Variants in CENPF observed in about 807,000 individuals in gnomAD.
CENPF encodes AH antigen.
A neutral mutation model predicts 307.3 loss-of-function variants in CENPF; 214 were observed. The ratio of observed to expected loss-of-function variants is 0.70; its 90% CI spans 0.62 to 0.78. The LOEUF (loss-of-function observed/expected upper bound fraction) is 0.78. CENPF is among the 30% of genes least tolerant of loss of function. The probability of loss-of-function intolerance (pLI) is 0.00; values close to 1 mark genes in which losing one functional copy is unlikely to be tolerated. For synonymous variants in CENPF, 1,259 were observed against 1,270.6 expected (o/e 0.99, Z 0.19); for missense variants, 3,401 against 3,483.9 (o/e 0.98, Z 0.60).
intron 1 of CENPF, among the ~76,000 whole-genome samples, chr1:214,607,272 C>T (rs937265188): frequency 1.3e-5 from 2 of 152,232 alleles, no homozygotes; most frequent in South Asian, 2.1e-4. Context: ...ATGCTCTGGC[C>T]TCCCCCTCAC....
intron 15 of CENPF, 125 bp downstream of exon 15, chr1:214,652,011 G>A (rs1175663459): frequency 1.5e-6 from 1 of 677,772 alleles, no homozygotes; most frequent in Non-Finnish European, 2.2e-6. Flanking sequence ...TCTTTTAAAA[G>A]GTCTCACATT....
At position 214,640,401 on chromosome 1, in the gene CENPF, G is replaced by A; in HGVS notation, c.2063G>A (p.Ser688Asn). 6.2e-7 allele frequency: 1 copy of A among 1,614,046 alleles called. No individual in the cohort carries two copies. The highest frequency in any genetic ancestry group is 8.5e-7 in the Non-Finnish European group (1 of 1,180,002). The change falls in exon 12 of 20, where the codon AGT (serine) becomes AAT (asparagine). Residue 688 changes from serine (S) to asparagine (N), a missense_variant. Ser to Asn is a conservative substitution (Grantham distance 46). Coordinates refer to ENST00000366955, the MANE Select transcript of CENPF (RefSeq NM_016343.4). ...AGAAACCTTCACAACGTGTTAGACA[G>A]TAAGTCAGTGGAGGTAGAGACCCAG... ...EIRNLHNVLD[S>N]KSVEVETQKL...
chr1:214,613,591 T>C (rs1657255931), intron 1 of CENPF, 123 bp from the exon 2 acceptor site: 1 of 635,744 alleles, frequency 1.6e-6, no homozygotes, highest in African/African-American at 1.9e-5. Context: ...TATTATACTT[T>C]GTTATCTTTT....
At chr1:214,660,395 A>C (rs1658759582) in intron 19 of CENPF, among the ~76,000 whole-genome samples, 1 of 152,238 alleles carries the variant, frequency 6.6e-6, no homozygotes, top group Admixed American at 6.5e-5. Context: ...TAACTTTGGC[A>C]TGCTGCCAAC....
At position 214,624,831 on chromosome 1, in the gene CENPF, A is replaced by G. The variant is rs181761651; in HGVS notation, c.1068+2550A>G. The stretch of plus-strand genomic sequence containing the variant: ...ATGATGTTGTTGAGTTTGTTAATAT[A>G]CTTGCTGATTTTCTGTTTAGTTGTT... On this transcript the variant is annotated intron_variant, in intron 7 of 19. Transcript: ENST00000366955. Among the ~76,000 whole-genome samples, 12 of 152,170 alleles carry G rather than the reference A, an allele frequency of 7.9e-5. No homozygotes were observed. In the East Asian group the frequency reaches 2.3e-3, roughly 29 times the overall value.
In CENPF at chr1:214,646,153, G is replaced by T; in HGVS notation, c.6583G>T (p.Ala2195Ser). 1 of 1,613,532 alleles carries T rather than the reference G, an allele frequency of 6.2e-7. No homozygotes were observed. The highest frequency in any genetic ancestry group is 1.3e-5 in the African/African-American group (1 of 74,906). ...TCTAAAAACACAAATAGAAGAGATG[G>T]CCAGAAGCCTGAAAGTTTTTGAATT... is the stretch of plus-strand genomic sequence containing the variant. ...ETLKTQIEEM[A>S]RSLKVFELDL... The change falls in exon 13 of 20, where the codon GCC (alanine) becomes TCC (serine). Residue 2195 changes from alanine (A) to serine (S), a missense_variant. Ala to Ser is a moderately conservative substitution (Grantham distance 99). Transcript: ENST00000366955.
intron 6 of CENPF, 97 bp from the exon 7 acceptor site, chr1:214,621,982 T>C (rs1234222805): frequency 2.0e-6 from 2 of 977,974 alleles, no homozygotes; most frequent in African/African-American, 3.3e-5. Context: ...ATTTGTTTCG[T>C]CAAAGATTTC....
rs778339437 is a variant in CENPF, at chr1:214,640,552, G to A, written c.2214G>A (p.Lys738=). The A allele has an allele frequency of 2.2e-5, 36 of 1,614,000 alleles. No individual in the cohort carries two copies. The East Asian group carries it at 8.0e-4, about 36-fold the overall frequency. ...LTGQVEDLEH[K]LQLLSNEIMD... Reference sequence around the variant, plus strand: ...GGCAAGTTGAAGATCTAGAACACAAGCTTCAGTTACTGTCAAATGAAATAA... The same window carrying A: ...GGCAAGTTGAAGATCTAGAACACAAACTTCAGTTACTGTCAAATGAAATAA... The change falls in exon 12 of 20, where the codon AAG becomes AAA. Residue 738 remains lysine (K), a synonymous_variant. Transcript: ENST00000366955.
In CENPF at chr1:214,615,045, G is replaced by A. The variant is rs755771450; in HGVS notation, c.359+17G>A. 5.9e-6 allele frequency: 9 copies of A among 1,517,536 alleles called. No individual in the cohort carries two copies. The South Asian group carries it at 9.7e-5, about 16-fold the overall frequency. 94.0% of individuals were successfully genotyped at this position (1,517,536 alleles called of 1,614,324 possible). A position where few individuals can be genotyped will look rare whatever the true frequency, so the allele number is the denominator to read the frequency against. On this transcript the variant is annotated intron_variant, in intron 3 of 19. Coordinates refer to ENST00000366955, the MANE Select transcript of CENPF (RefSeq NM_016343.4). ...ACTTAAAAGGTAATATTTTGGGATG[G>A]TATTTATAGGGATGATATTTGTATG...
intron 16 of CENPF, 68 bp downstream of exon 16, chr1:214,653,057 T>G: frequency 7.3e-7 from 1 of 1,376,866 alleles, no homozygotes; most frequent in Non-Finnish European, 1.0e-6. Flanking sequence ...TTTAATGGTA[T>G]AGCATTAAAC....
At position 214,663,636 on chromosome 1, in the gene CENPF, C is replaced by T. The variant is rs749916622; in HGVS notation, c.9187C>T (p.Arg3063Ter). ...RSPVDSGTIL[R>*]EPTTKSVPVN... ...CCCAGTAGATTCAGGCACCATCCTC[C>T]GAGAACCCACCACGAAATCCGTCCC... The change falls in exon 20 of 20, where the codon CGA becomes TGA. Residue 3063 changes from arginine (R) to a stop codon, truncating the protein, a stop_gained. Transcript: ENST00000366955. LOFTEE classifies it low-confidence loss of function (END_TRUNC). 1.5e-5 allele frequency: 24 copies of T among 1,614,008 alleles called. No individual in the cohort carries two copies. Among genetic ancestry groups the T allele is most frequent in the Middle Eastern group, 3.3e-4 (2 of 6,084 alleles).
In CENPF at chr1:214,640,603, C is replaced by A. The variant is rs763230881; in HGVS notation, c.2265C>A (p.Asp755Glu). 2.5e-6 allele frequency: 4 copies of A among 1,614,120 alleles called. No individual in the cohort carries two copies. Among genetic ancestry groups the A allele is most frequent in the Non-Finnish European group, 3.4e-6 (4 of 1,179,966 alleles). The change falls in exon 12 of 20, where the codon GAC (aspartate) becomes GAA (glutamate). Residue 755 changes from aspartate (D) to glutamate (E), a missense_variant. Coordinates refer to ENST00000366955, the MANE Select transcript of CENPF (RefSeq NM_016343.4). Reference sequence around the variant, plus strand: ...TGGACAAAGACCGGTGTTACCAAGACTTGCATGCCGAATATGAGAGCCTCA... The same window carrying A: ...TGGACAAAGACCGGTGTTACCAAGAATTGCATGCCGAATATGAGAGCCTCA... Reference protein sequence around the residue: ...EIMDKDRCYQDLHAEYESLRD... With the variant: ...EIMDKDRCYQELHAEYESLRD...
At position 214,645,108 on chromosome 1, in the gene CENPF, G is replaced by C; in HGVS notation, c.5538G>C (p.Leu1846Phe). The change falls in exon 13 of 20, where the codon TTG becomes TTC. Residue 1846 changes from leucine to phenylalanine, a missense_variant. Coordinates refer to ENST00000366955, the MANE Select transcript of CENPF (RefSeq NM_016343.4). ...KKENSDLSEKLEYFSCDHQEL... is the reference protein window; with the variant it reads ...KKENSDLSEKFEYFSCDHQEL... ...AAAACTCAGATTTAAGTGAAAAATTGGAATATTTTTCTTGTGATCACCAGG... is the reference window on the plus strand; with the variant it reads ...AAAACTCAGATTTAAGTGAAAAATTCGAATATTTTTCTTGTGATCACCAGG... 1 of 1,612,686 alleles carries C rather than the reference G, an allele frequency of 6.2e-7. No individual in the cohort carries two copies. The highest frequency in any genetic ancestry group is 1.3e-5 in the African/African-American group (1 of 74,872).
chr1:214,628,985 A>G (rs575708340), intron 7 of CENPF, 61 bp from the exon 8 acceptor site: 3 of 1,311,360 alleles, frequency 2.3e-6, no homozygotes, highest in South Asian at 1.6e-5. Context: ...AAAACACAAA[A>G]TATTTGTTCA....
chr1:214,656,882 T>C, intron 17 of CENPF, 51 bp from the exon 18 acceptor site: 2 of 1,223,804 alleles, frequency 1.6e-6, no homozygotes, highest in East Asian at 2.3e-5. Context: ...TGCCCATTGT[T>C]AACTAGAGAA....
chr1:214,624,005 CTTTTA>C lies in CENPF; in HGVS notation c.1068+1730_1068+1734del, dbSNP rs1033734722. Among the ~76,000 whole-genome samples, 28 of 151,560 alleles carry C rather than the reference CTTTTA, an allele frequency of 1.8e-4. No individual in the cohort carries two copies. The East Asian group carries it at 2.9e-3, about 16-fold the overall frequency. On this transcript the variant is annotated intron_variant, in intron 7 of 19. Transcript: ENST00000366955. ...GGTTCTTTCATTTGTTTACTTAAAA[CTTTTA>C]TTTTAAGATAATCGTAGATTCATAT... is the stretch of plus-strand genomic sequence containing the variant.
chr1:214,613,163 GCAGGGTGCTT>G (rs1657243189), intron 1 of CENPF: 2 of 250,422 alleles, frequency 8.0e-6, no homozygotes, highest in Non-Finnish European at 1.6e-5. Flanking sequence ...TCTTACAAAG[GCAGGGTGCTT>G]CTGGGCATTT....
At chr1:214,617,295 G>A (rs1294343785) in intron 3 of CENPF, among the ~76,000 whole-genome samples, 1 of 152,026 alleles carries the variant, frequency 6.6e-6, no homozygotes, top group Non-Finnish European at 1.5e-5. Context: ...TTATCTGCCC[G>A]CCTTGGTCTC....
At chr1:214,612,301 G>A (rs1374905895) in intron 1 of CENPF, among the ~76,000 whole-genome samples, 3 of 152,174 alleles carry the variant, frequency 2.0e-5, no homozygotes, top group South Asian at 2.1e-4. Context: ...TGAACCAACC[G>A]TAAATCCTGG....
Sources: allele counts gnomAD v4.1 joint callset (sites outside exome capture counted in the v4.1 genomes callset), GRCh38; gene constraint gnomAD v4.1.1; transcripts MANE v1.5; gene names NCBI Gene and HGNC (gene_info 2026-07-23, HGNC 2026-07-21).